Variants in ERCC4 observed in about 807,000 individuals in gnomAD.
The protein encoded by ERCC4 is ERCC excision repair 4, endonuclease catalytic subunit.
Under a neutral mutation model 76.9 loss-of-function variants are expected in ERCC4, and 65 were observed. The ratio of observed to expected loss-of-function variants is 0.84; its 90% CI spans 0.69 to 1.04. The LOEUF is 1.04. ERCC4 is among the 50% of genes least tolerant of loss of function. The pLI, the probability that ERCC4 is intolerant of heterozygous loss-of-function variation, is 0.00. For synonymous variants in ERCC4, 463 were observed against 410.1 expected (o/e 1.13, Z -1.56); for missense variants, 1,214 against 1,128.2 (o/e 1.08, Z -1.09).
chr16:13,946,194 C>G (rs2032509365), intron 10 of ERCC4, among the ~76,000 whole-genome samples: 2 of 152,208 alleles, frequency 1.3e-5, no homozygotes, highest in Non-Finnish European at 2.9e-5. Context: ...TTCAGCCTAC[C>G]TAGATAAGCC....
At chr16:13,932,953 G>A in intron 6 of ERCC4, 1 of 244,866 alleles carries the variant, frequency 4.1e-6, no homozygotes, top group South Asian at 3.6e-5. Context: ...GGCTGAGGCA[G>A]GAGAATCACT....
At chr16:13,924,758 G>C (rs1363079209) in intron 2 of ERCC4, among the ~76,000 whole-genome samples, 1 of 152,202 alleles carries the variant, frequency 6.6e-6, no homozygotes, top group African/African-American at 2.4e-5. Flanking sequence ...ATACTTGGTA[G>C]CATGGCACAT....
At chr16:13,930,232 A>G (rs2032147107) in intron 4 of ERCC4, among the ~76,000 whole-genome samples, 2 of 152,080 alleles carry the variant, frequency 1.3e-5, no homozygotes, top group Admixed American at 6.6e-5. Flanking sequence ...TTAGTAAGCC[A>G]TCGTGCTTGT....
rs371114175 is a variant in ERCC4 at position 13,935,433 on chromosome 16, C to T, written c.1501C>T (p.Pro501Ser). 5 of 1,613,788 alleles carry T rather than the reference C, an allele frequency of 3.1e-6. No individual in the cohort carries two copies. Among genetic ancestry groups the T allele is most frequent in the Non-Finnish European group, 4.2e-6 (5 of 1,179,970 alleles). The part of the protein sequence containing the change: ...KLTLTQMVGK[P>S]EELEEEGDVE... ...GACCTTAACTCAAATGGTAGGAAAA[C>T]CTGAAGAACTGGAAGAGGAAGGAGA... is the stretch of plus-strand genomic sequence containing the variant. Residue 501 changes from proline (P) to serine (S), a missense_variant, in exon 8 of 11, where the codon CCT becomes TCT. Pro to Ser is a moderately conservative substitution (Grantham distance 74). Coordinates refer to ENST00000311895, the MANE Select transcript of ERCC4 (RefSeq NM_005236.3).
rs543502035 is a variant in ERCC4, at chr16:13,948,505, C to T, written c.*158C>T. On this transcript the variant is annotated 3_prime_UTR_variant, in exon 11 of 11. Coordinates refer to ENST00000311895, the MANE Select transcript of ERCC4 (RefSeq NM_005236.3). ...AGAAGCCAGGATTCCTCTCTGAACT[C>T]TGCAGTTAGGCATCACTTGAACTTG... 85 of 855,592 alleles carry T rather than the reference C, an allele frequency of 9.9e-5. No homozygotes were observed. The African/African-American group carries it at 1.3e-3, about 13-fold the overall frequency. 53.0% of individuals were successfully genotyped at this position (855,592 alleles called of 1,614,324 possible).
rs1249466677 is a variant in ERCC4 at position 13,951,753 on chromosome 16, G to C, written c.*3406G>C. 9.0e-6 allele frequency: 2 copies of C among 222,180 alleles called. No individual in the cohort carries two copies. Among genetic ancestry groups the C allele is most frequent in the East Asian group, 1.3e-4 (2 of 15,222 alleles). 13.8% of individuals were successfully genotyped at this position (222,180 alleles called of 1,614,324 possible). A position where few individuals can be genotyped will look rare whatever the true frequency, so the allele number is the denominator to read the frequency against. ...CAAATCCGAAGAAGTGGGGCAGGGG[G>C]AAAGAGGCATTACTGGTCTTTCCTT... On this transcript the variant is annotated 3_prime_UTR_variant, in exon 11 of 11. Transcript: ENST00000311895.
intron 10 of ERCC4, 40 bp from the exon 11 acceptor site, chr16:13,947,574 G>C: frequency 1.2e-6 from 2 of 1,610,508 alleles, no homozygotes; most frequent in Non-Finnish European, 1.7e-6. Flanking sequence ...CCTTCTTTGA[G>C]AGTTCTTCCC....
rs1273415519 is a variant in ERCC4 at position 13,938,990 on chromosome 16, G to A, written c.1904+1132G>A. ...TCGAATGGTGATATGCCTTGGCCAT[G>A]GATTCATCCAGCTGCTAGTCATACA... On this transcript the variant is annotated intron_variant, in intron 9 of 10. Coordinates refer to ENST00000311895, the MANE Select transcript of ERCC4 (RefSeq NM_005236.3). Among the ~76,000 whole-genome samples the A allele has an allele frequency of 2.0e-5, 3 of 152,152 alleles. No individual in the cohort carries two copies. In the South Asian group the frequency reaches 6.2e-4, roughly 32 times the overall value.
In ERCC4 at chr16:13,934,319, T is replaced by A; in HGVS notation, c.1213+17T>A. The stretch of plus-strand genomic sequence containing the variant: ...GTGGTCCAGGTAGGAAAAAAGGAGA[T>A]GAAAACATTTGCTTCCAAAATCTAT... On this transcript the variant is annotated intron_variant, in intron 7 of 10. Coordinates refer to ENST00000311895, the MANE Select transcript of ERCC4 (RefSeq NM_005236.3). 6.6e-7 allele frequency: 1 copy of A among 1,517,306 alleles called. No individual in the cohort carries two copies. The highest frequency in any genetic ancestry group is 9.2e-7 in the Non-Finnish European group (1 of 1,092,254). The allele number at this position is 1,517,306 out of a possible 1,614,324, so 94.0% of individuals were successfully genotyped here. A position where few individuals can be genotyped will look rare whatever the true frequency, so the allele number is the denominator to read the frequency against.
rs1033568623 is a variant in ERCC4, at chr16:13,951,103, T to G, written c.*2756T>G. 5.4e-6 allele frequency: 1 copy of G among 186,512 alleles called. No homozygotes were observed. Among genetic ancestry groups the G allele is most frequent in the African/African-American group, 2.3e-5 (1 of 42,780 alleles). 11.6% of individuals were successfully genotyped at this position (186,512 alleles called of 1,614,324 possible). On this transcript the variant is annotated 3_prime_UTR_variant, in exon 11 of 11. Transcript: ENST00000311895. The stretch of plus-strand genomic sequence containing the variant: ...AACTACATAAATATATTTCAATGTA[T>G]TTCCAGTTTTGGAAAGTTTTCAATA...
At position 13,920,247 on chromosome 16, in the gene ERCC4, G is replaced by T; in HGVS notation, c.82G>T (p.Asp28Tyr). Residue 28 changes from aspartate to tyrosine, a missense_variant, in exon 1 of 11, where the codon GAC becomes TAC. Transcript: ENST00000311895. ...GCGACAGCTGGTGCTGGAACTGCTC[G>T]ACACTGACGGGCTAGTAGTGTGCGC... is the stretch of plus-strand genomic sequence containing the variant. Reference protein sequence around the residue: ...YERQLVLELLDTDGLVVCARG... With the variant: ...YERQLVLELLYTDGLVVCARG... The T allele has an allele frequency of 6.2e-7, 1 of 1,607,690 alleles. No individual in the cohort carries two copies. The highest frequency in any genetic ancestry group is 8.5e-7 in the Non-Finnish European group (1 of 1,179,948).
Position 13,950,810 on chromosome 16 carries a change from C to G in ERCC4, c.*2463C>G, listed in dbSNP as rs895959283. On this transcript the variant is annotated 3_prime_UTR_variant, in exon 11 of 11. Transcript: ENST00000311895. The stretch of plus-strand genomic sequence containing the variant: ...CATATTCTATGAAAGGGGTTTCATT[C>G]CAAGTTGAGTTTTCAAAAAAAAGGT... 8.8e-5 allele frequency: 17 copies of G among 193,880 alleles called. No individual in the cohort carries two copies. Among genetic ancestry groups the G allele is most frequent in the Admixed American group, 6.1e-5 (1 of 16,374 alleles). 12.0% of individuals were successfully genotyped at this position (193,880 alleles called of 1,614,324 possible). A position where few individuals can be genotyped will look rare whatever the true frequency, so the allele number is the denominator to read the frequency against.
rs3136151 is a variant in ERCC4, at chr16:13,935,216, G to A, written c.1284G>A (p.Ala428=). 6.4e-5 allele frequency: 104 copies of A among 1,614,044 alleles called. 1 individual carries two copies. Among genetic ancestry groups the A allele is most frequent in the East Asian group, 2.9e-4 (13 of 44,882 alleles). ...SQLRDYITLG[A]EAFLLRLYRK... ...TGAGAGACTATATCACTCTTGGAGC[G>A]GAGGCCTTCTTATTGAGGCTCTACA... The change falls in exon 8 of 11, where the codon GCG becomes GCA. Residue 428 remains alanine, a synonymous_variant. Transcript: ENST00000311895.
At chr16:13,926,930 C>A in intron 3 of ERCC4, 174 bp downstream of exon 3, 1 of 610,152 alleles carries the variant, frequency 1.6e-6, no homozygotes, top group Non-Finnish European at 2.9e-6. Flanking sequence ...TATGTATTCA[C>A]CAAGTTTGTG....
intron 6 of ERCC4, 107 bp downstream of exon 6, chr16:13,932,392 C>A: frequency 9.9e-7 from 1 of 1,007,554 alleles, no homozygotes; most frequent in South Asian, 1.4e-5. Flanking sequence ...AAGTGTGTTC[C>A]TTGAAGATAA....
intron 10 of ERCC4, 35 bp downstream of exon 10, chr16:13,944,870 C>A: frequency 9.3e-6 from 12 of 1,291,030 alleles, no homozygotes; most frequent in South Asian, 1.2e-5. Flanking sequence ...CCTCCATTGC[C>A]TGCAAAGGGG....
In ERCC4 at chr16:13,928,116, A is replaced by C. The variant is rs757128317; in HGVS notation, c.673A>C (p.Ile225Leu). Residue 225 changes from isoleucine (I) to leucine (L), a missense_variant, in exon 4 of 11, where the codon ATA (isoleucine) becomes CTA (leucine). Ile to Leu is a conservative substitution (Grantham distance 5, BLOSUM62 2). Transcript: ENST00000311895. ...TTCTATGACACCTACCATGCTTGCT[A>C]TACAGACTGCTATACTGGACATTTT... is the stretch of plus-strand genomic sequence containing the variant. The part of the protein sequence containing the change: ...HVSMTPTMLA[I>L]QTAILDILNA... The C allele has an allele frequency of 7.4e-6, 12 of 1,613,392 alleles. No homozygotes were observed. Among genetic ancestry groups the C allele is most frequent in the Non-Finnish European group, 9.3e-6 (11 of 1,179,410 alleles).
At chr16:13,942,493 C>T (rs1290906071) in intron 9 of ERCC4, among the ~76,000 whole-genome samples, 1 of 152,188 alleles carries the variant, frequency 6.6e-6, no homozygotes, top group African/African-American at 2.4e-5. Context: ...AAGAAAAGTA[C>T]AGTAATAATA....
chr16:13,927,685 T>C (rs746821783), intron 3 of ERCC4: 1 of 301,624 alleles, frequency 3.3e-6, no homozygotes, highest in Non-Finnish European at 6.3e-6. Flanking sequence ...TTGCAGGCCA[T>C]ATAGACTGTC....
Sources: gnomAD v4.1 joint callset for allele counts (sites outside exome capture counted in the v4.1 genomes callset) on GRCh38, gnomAD v4.1.1 for gene constraint, MANE v1.5 for transcripts, NCBI Gene and HGNC (gene_info 2026-07-23, HGNC 2026-07-21) for gene names.